The following ANKDD1A variants were observed in gnomAD, a reference collection of about 807,000 sequenced individuals.
ANKDD1A encodes the protein ankyrin repeat and death domain containing 1A.
Under a neutral mutation model 63.5 loss-of-function variants are expected in ANKDD1A, and 59 were observed. That is an observed-to-expected ratio of 0.93 (90% confidence interval 0.75 to 1.15). The LOEUF is 1.15. ANKDD1A is among the 50% of genes most tolerant of loss of function. ANKDD1A has a pLI of 0.00. For synonymous variants in ANKDD1A, 266 were observed against 263.9 expected (o/e 1.01, Z -0.08); for missense variants, 632 against 656.4 (o/e 0.96, Z 0.41).
intron 3 of ANKDD1A, among the ~76,000 whole-genome samples, chr15:64,918,676 A>G (rs1466478629): frequency 6.6e-6 from 1 of 152,092 alleles, no homozygotes; most frequent in Non-Finnish European, 1.5e-5. Flanking sequence ...CTTGTTGGCC[A>G]GGTGCGGTGG....
intron 3 of ANKDD1A, 38 bp downstream of exon 3, chr15:64,917,552 G>C (rs1345866454): frequency 6.5e-7 from 1 of 1,541,270 alleles, no homozygotes; most frequent in Non-Finnish European, 8.8e-7. Flanking sequence ...AGGGTGGTGG[G>C]GGGCACTGGA....
chr15:64,932,739 A>G (rs1241459250), intron 8 of ANKDD1A: 1 of 152,160 alleles, frequency 6.6e-6, no homozygotes. Context: ...GAGAATTAAA[A>G]TGTTATGCTA....
chr15:64,948,686 C>T (rs1474194101), intron 13 of ANKDD1A, among the ~76,000 whole-genome samples: 1 of 151,820 alleles, frequency 6.6e-6, no homozygotes, highest in African/African-American at 2.4e-5. Context: ...ATTAGCTGGG[C>T]ATGATGGTCG....
intron 6 of ANKDD1A, among the ~76,000 whole-genome samples, chr15:64,930,146 T>A (rs2085077492): frequency 6.6e-6 from 1 of 151,830 alleles, no homozygotes; most frequent in East Asian, 1.9e-4. Flanking sequence ...ATGCATGCAG[T>A]GCTTAATACC....
intron 1 of ANKDD1A, among the ~76,000 whole-genome samples, chr15:64,915,261 C>T (rs112350304): frequency 0.094 from 14,298 of 152,162 alleles, 1,555 homozygotes; most frequent in African/African-American, 0.26. Flanking sequence ...GACAAGATCA[C>T]GCCACTGCAC....
intron 14 of ANKDD1A, among the ~76,000 whole-genome samples, chr15:64,954,956 CCTT>C (rs757784134): frequency 8.5e-4 from 127 of 149,556 alleles, no homozygotes; most frequent in African/African-American, 2.1e-3. Flanking sequence ...TCTTCTCTCT[CCTT>C]CTTCTTCTCC....
At chr15:64,951,176 TTGTACAC>T in intron 14 of ANKDD1A, 9 of 1,062,162 alleles carry the variant, frequency 8.5e-6, no homozygotes, top group Non-Finnish European at 1.0e-5. Flanking sequence ...AGGCAAATGT[TTGTACAC>T]TGATCTTTTT....
At chr15:64,952,647 T>TCC (rs2085315603) in intron 14 of ANKDD1A, among the ~76,000 whole-genome samples, 2 of 124,306 alleles carry the variant, frequency 1.6e-5, no homozygotes, top group South Asian at 2.7e-4. Context: ...CTTCTTCTCC[T>TCC]TCTCCTTCTT....
intron 14 of ANKDD1A, among the ~76,000 whole-genome samples, chr15:64,954,411 TTCC>T (rs1490204763): frequency 2.1e-5 from 3 of 146,228 alleles, no homozygotes; most frequent in East Asian, 3.9e-4. Context: ...CTTCCTCTTC[TTCC>T]TCCTCTCCTC....
chr15:64,947,187 G>A (rs1349206420), intron 12 of ANKDD1A, among the ~76,000 whole-genome samples: 3 of 152,176 alleles, frequency 2.0e-5, no homozygotes, highest in Non-Finnish European at 4.4e-5. Flanking sequence ...GGAATTCCGG[G>A]TGGAAGAACA....
At chr15:64,934,610 C>T (rs2085113757) in intron 9 of ANKDD1A, among the ~76,000 whole-genome samples, 1 of 150,636 alleles carries the variant, frequency 6.6e-6, no homozygotes, top group Non-Finnish European at 1.5e-5. Flanking sequence ...AGCAATTCTC[C>T]TGCCTCAGCC....
At chr15:64,954,521 TCTC>T (rs1343654815) in intron 14 of ANKDD1A, among the ~76,000 whole-genome samples, 4 of 75,708 alleles carry the variant, frequency 5.3e-5, no homozygotes, top group African/African-American at 1.3e-4. Flanking sequence ...TCCTCTTTCT[TCTC>T]CTTCTTCCTC....
At chr15:64,925,007 G>C (rs1461436292) in intron 4 of ANKDD1A, among the ~76,000 whole-genome samples, 1 of 151,998 alleles carries the variant, frequency 6.6e-6, no homozygotes, top group Non-Finnish European at 1.5e-5. Flanking sequence ...CAGGCAGATT[G>C]CCTGAGTTCG....
intron 13 of ANKDD1A, among the ~76,000 whole-genome samples, chr15:64,948,947 A>G (rs2085246752): frequency 6.6e-6 from 1 of 152,242 alleles, no homozygotes. Flanking sequence ...CATATATGAT[A>G]AAGAAGCACT....
intron 14 of ANKDD1A, chr15:64,950,728 C>CGGGGGGGGGGGGGG: frequency 4.4e-6 from 2 of 450,268 alleles, no homozygotes; most frequent in South Asian, 1.3e-4. Flanking sequence ...AAGAAAGGAC[C>CGGGGGGGGGGGGGG]GCCCCCCCCC....
In ANKDD1A at chr15:64,957,110, T is replaced by A. The variant is rs773220323; in HGVS notation, c.1491T>A (p.Ser497Arg). ...AIGRRDLAGWSTMARSQLTAT... is the reference protein window; with the variant it reads ...AIGRRDLAGWRTMARSQLTAT... ...TCTTGCTCTCTCACCCAGGCTGGAG[T>A]ACAATGGCGAGATCTCAGCTCACGG... is the stretch of plus-strand genomic sequence containing the variant. The change falls in exon 15 of 15, where the codon AGT becomes AGA. Residue 497 changes from serine to arginine, a missense_variant. Transcript: ENST00000319580. 3.1e-5 allele frequency: 14 copies of A among 447,118 alleles called. No individual in the cohort carries two copies. Among genetic ancestry groups the A allele is most frequent in the Non-Finnish European group, 5.8e-5 (13 of 224,408 alleles). 27.7% of individuals were successfully genotyped at this position (447,118 alleles called of 1,614,324 possible). A position where few individuals can be genotyped will look rare whatever the true frequency, so the allele number is the denominator to read the frequency against.
At position 64,943,494 on chromosome 15, in the gene ANKDD1A, C is replaced by T. The variant is rs777116302; in HGVS notation, c.977C>T (p.Thr326Met). 32 of 1,614,050 alleles carry T rather than the reference C, an allele frequency of 2.0e-5. No individual in the cohort carries two copies. The Admixed American group carries it at 2.0e-4, about 10-fold the overall frequency. ...TGGCTTCTCCCCTAGAGGCAGCAGA[C>T]GCCCCTTCACCTGGCTGCAGAGCAC... ...DVNAVDNRQQTPLHLAAEHAW... is the reference protein window; with the variant it reads ...DVNAVDNRQQMPLHLAAEHAW... Residue 326 changes from threonine to methionine, a missense_variant, in exon 11 of 15, where the codon ACG becomes ATG. Transcript: ENST00000319580.
At position 64,949,951 on chromosome 15, in the gene ANKDD1A, A is replaced by T. The variant is rs1429505814; in HGVS notation, c.1462A>T (p.Ile488Phe). The T allele has an allele frequency of 3.7e-6, 6 of 1,610,146 alleles. No individual in the cohort carries two copies. The highest frequency in any genetic ancestry group is 5.1e-6 in the Non-Finnish European group (6 of 1,179,962). ...AGCGCTGTTCGAGGGCCTCGTGGCC[A>T]TTGGCAGGAGGGACCTGGCTGGTAA... The part of the protein sequence containing the change: ...SKALFEGLVA[I>F]GRRDLAGWST... The change falls in exon 14 of 15, where the codon ATT (isoleucine) becomes TTT (phenylalanine). Residue 488 changes from isoleucine (I) to phenylalanine (F), a missense_variant. Physicochemically the swap from Ile to Phe is conservative, Grantham distance 21. Transcript: ENST00000319580.
chr15:64,954,770 C>T (rs1414727157), intron 14 of ANKDD1A, among the ~76,000 whole-genome samples: 1 of 138,128 alleles, frequency 7.2e-6, no homozygotes, highest in Non-Finnish European at 1.5e-5. Flanking sequence ...GTTCTTCTTT[C>T]TTCTTCTCCT....
Sources: allele counts gnomAD v4.1 joint callset (sites outside exome capture counted in the v4.1 genomes callset), GRCh38; gene constraint gnomAD v4.1.1; transcripts MANE v1.5; gene names NCBI Gene and HGNC (gene_info 2026-07-23, HGNC 2026-07-21).